RGS21: variants seen among roughly 807,000 people sequenced by gnomAD.
RGS21 encodes the protein regulator of G-protein signalling 21.
Under a neutral mutation model 18.7 loss-of-function variants are expected in RGS21, and 19 were observed. The ratio of observed to expected loss-of-function variants is 1.01; its 90% CI spans 0.71 to 1.49. RGS21 has a LOEUF of 1.49. Among genes scored for constraint, RGS21 ranks in the 40% most tolerant of loss-of-function variants. The probability of loss-of-function intolerance (pLI) is 0.00; values close to 1 mark genes in which losing one functional copy is unlikely to be tolerated. For synonymous variants in RGS21, 56 were observed against 57.8 expected (o/e 0.97, Z 0.14); for missense variants, 194 against 176.8 (o/e 1.10, Z -0.55).
intron 1 of RGS21, among the ~76,000 whole-genome samples, chr1:192,326,215 T>C (rs1035247536): frequency 1.3e-5 from 2 of 152,136 alleles, no homozygotes; most frequent in South Asian, 2.1e-4. Flanking sequence ...TTTCTTTTTA[T>C]GTTATACCAC....
chr1:192,347,388 A>C lies in RGS21; in HGVS notation c.87A>C (p.Gln29His). 1 of 1,544,984 alleles carries C rather than the reference A, an allele frequency of 6.5e-7. No individual in the cohort carries two copies. Residue 29 changes from glutamine (Q) to histidine (H), a missense_variant and splice_region_variant, in exon 3 of 5, where the codon CAA becomes CAC. By Grantham distance (24) the Gln-to-His change is conservative. Coordinates refer to ENST00000417209, the MANE Select transcript of RGS21 (RefSeq NM_001039152.3). ...SENMDTLLAN[Q>H]AGLDAFRIFL... ...ATATGGACACGCTTTTAGCCAACCA[A>C]GGTAAGATTTAACTAATAATAGGCT...
intron 4 of RGS21, among the ~76,000 whole-genome samples, chr1:192,362,473 G>A (rs545897208): frequency 2.6e-5 from 4 of 152,284 alleles, no homozygotes; most frequent in African/African-American, 9.6e-5. Flanking sequence ...CAACATAAGT[G>A]ATCAGAGAAA....
chr1:192,346,384 T>G (rs1365570849), intron 2 of RGS21, among the ~76,000 whole-genome samples: 1 of 152,132 alleles, frequency 6.6e-6, no homozygotes, highest in Non-Finnish European at 1.5e-5. Context: ...AATTGCGATA[T>G]ATGAGTTTTT....
At chr1:192,335,662 C>G (rs548057969) in intron 1 of RGS21, among the ~76,000 whole-genome samples, 8 of 152,168 alleles carry the variant, frequency 5.3e-5, no homozygotes, top group Non-Finnish European at 1.2e-4. Context: ...CATCGCAATG[C>G]TACCAACGGA....
intron 4 of RGS21, among the ~76,000 whole-genome samples, chr1:192,356,680 A>G (rs1659116615): frequency 6.6e-6 from 1 of 151,790 alleles, no homozygotes; most frequent in Non-Finnish European, 1.5e-5. Flanking sequence ...AAAGCCCATG[A>G]AAATAGGCAT....
intron 4 of RGS21, among the ~76,000 whole-genome samples, chr1:192,362,590 G>T (rs1659201488): frequency 6.6e-6 from 1 of 152,100 alleles, no homozygotes; most frequent in Non-Finnish European, 1.5e-5. Context: ...CTGACATTAA[G>T]CTGAATTGCC....
At chr1:192,351,721 CAT>C (rs916673313) in intron 3 of RGS21, among the ~76,000 whole-genome samples, 4 of 146,468 alleles carry the variant, frequency 2.7e-5, no homozygotes, top group African/African-American at 9.9e-5. Flanking sequence ...ATATATAACA[CAT>C]ATAATATATA....
At position 192,346,706 on chromosome 1, in the gene RGS21, T is replaced by A. The variant is rs75781843; in HGVS notation, c.12-607T>A. 1.2e-3 allele frequency among the ~76,000 whole-genome samples: 179 copies of A among 152,246 alleles called. 1 individual carries two copies. In the Middle Eastern group the frequency reaches 0.024, roughly 20 times the overall value. On this transcript the variant is annotated intron_variant, in intron 2 of 4. Transcript: ENST00000417209. Reference sequence around the variant, plus strand: ...TTGACTGCTTTGGAAAAGATATTACTCTGTCTTGACAGATTCCTAGATTTA... The same window carrying A: ...TTGACTGCTTTGGAAAAGATATTACACTGTCTTGACAGATTCCTAGATTTA...
intron 1 of RGS21, among the ~76,000 whole-genome samples, chr1:192,330,293 G>A (rs1309696789): frequency 6.6e-6 from 1 of 152,184 alleles, no homozygotes; most frequent in Admixed American, 6.5e-5. Context: ...AAATCCATGG[G>A]TAGAATTTAG....
chr1:192,341,963 G>A (rs75050772), intron 1 of RGS21, among the ~76,000 whole-genome samples: 13 of 152,106 alleles, frequency 8.5e-5, no homozygotes, highest in African/African-American at 3.1e-4. Context: ...TAACAAAAGG[G>A]ATCGTGCTGA....
chr1:192,320,881 A>C (rs1037313468), intron 1 of RGS21, among the ~76,000 whole-genome samples: 7 of 152,058 alleles, frequency 4.6e-5, no homozygotes, highest in African/African-American at 1.7e-4. Flanking sequence ...CAACAAAAAA[A>C]GATTCTAAAC....
chr1:192,341,131 C>G (rs1428099297), intron 1 of RGS21, among the ~76,000 whole-genome samples: 1 of 151,922 alleles, frequency 6.6e-6, no homozygotes, highest in Admixed American at 6.6e-5. Context: ...GGCTCTTAAC[C>G]CCTTTCTCAC....
chr1:192,360,514 A>G (rs1055853428), intron 4 of RGS21, among the ~76,000 whole-genome samples: 1 of 152,044 alleles, frequency 6.6e-6, no homozygotes, highest in Non-Finnish European at 1.5e-5. Context: ...TTCACCATCA[A>G]TTGTCCTCCT....
chr1:192,353,541 TC>T (rs1659073585), intron 4 of RGS21, among the ~76,000 whole-genome samples: 2 of 151,856 alleles, frequency 1.3e-5, no homozygotes, highest in Non-Finnish European at 2.9e-5. Context: ...TCATATTTTT[TC>T]CTCCTTTATG....
rs374648900 is a variant in RGS21 at position 192,319,902 on chromosome 1, A to G, written c.-61+2797A>G. 2.5e-4 allele frequency among the ~76,000 whole-genome samples: 38 copies of G among 152,206 alleles called. No individual in the cohort carries two copies. In the East Asian group the frequency reaches 6.6e-3, roughly 26 times the overall value. On this transcript the variant is annotated intron_variant, in intron 1 of 4. Coordinates refer to ENST00000417209, the MANE Select transcript of RGS21 (RefSeq NM_001039152.3). ...TCCATGCCTCTGTTTCTTCATCTAA[A>G]AATGGTGACAAAGGGGAGCTGAAGA...
chr1:192,333,550 C>T (rs1658693487), intron 1 of RGS21, among the ~76,000 whole-genome samples: 1 of 143,190 alleles, frequency 7.0e-6, no homozygotes, highest in Non-Finnish European at 1.5e-5. Context: ...ATCACAAGAA[C>T]ACTATGCTGA....
At chr1:192,337,475 T>C (rs1488561675) in intron 1 of RGS21, among the ~76,000 whole-genome samples, 1 of 152,112 alleles carries the variant, frequency 6.6e-6, no homozygotes, top group Non-Finnish European at 1.5e-5. Flanking sequence ...ATTACTTAGC[T>C]TTATTAATAT....
At chr1:192,354,517 T>C (rs1468907345) in intron 4 of RGS21, among the ~76,000 whole-genome samples, 2 of 151,644 alleles carry the variant, frequency 1.3e-5, no homozygotes, top group Non-Finnish European at 3.0e-5. Flanking sequence ...TAGGCAGCAG[T>C]GGAGATAAAG....
At chr1:192,349,257 C>T (rs751742772) in intron 3 of RGS21, among the ~76,000 whole-genome samples, 3 of 152,108 alleles carry the variant, frequency 2.0e-5, no homozygotes, top group African/African-American at 4.8e-5. Context: ...CCTCTGCATA[C>T]CCTCTGGGAT....
Sources: allele counts gnomAD v4.1 joint callset (sites outside exome capture counted in the v4.1 genomes callset), GRCh38; gene constraint gnomAD v4.1.1; transcripts MANE v1.5; gene names NCBI Gene and HGNC (gene_info 2026-07-23, HGNC 2026-07-21).